The following CNTNAP2 variants were observed in gnomAD, a reference collection of about 807,000 sequenced individuals.
CNTNAP2 encodes the protein contactin-associated protein-like 2.
CNTNAP2 carries 98 observed loss-of-function variants against 155.2 expected under a neutral mutation model. The ratio of observed to expected loss-of-function variants is 0.63; its 90% CI spans 0.54 to 0.75. The LOEUF (loss-of-function observed/expected upper bound fraction) is 0.75, where lower values mean the gene tolerates loss of function less well. CNTNAP2 is among the 30% of genes least tolerant of loss of function. The pLI is 0.00. For synonymous variants in CNTNAP2, 651 were observed against 631.2 expected (o/e 1.03, Z -0.47); for missense variants, 1,727 against 1,688.1 (o/e 1.02, Z -0.40).
At chr7:146,509,542 C>T (rs1490476336) in intron 1 of CNTNAP2, among the ~76,000 whole-genome samples, 1 of 152,162 alleles carries the variant, frequency 6.6e-6, no homozygotes, top group Non-Finnish European at 1.5e-5. Flanking sequence ...GAGCCCACCC[C>T]TGGGGCCTCA....
chr7:146,930,577 G>A (rs567444925), intron 3 of CNTNAP2, among the ~76,000 whole-genome samples: 2,776 of 152,012 alleles, frequency 0.018, 75 homozygotes, highest in African/African-American at 0.062. Flanking sequence ...TGAAATTCAC[G>A]CATAACAATA....
intron 12 of CNTNAP2, among the ~76,000 whole-genome samples, chr7:147,569,557 G>A (rs1310242515): frequency 6.6e-6 from 1 of 152,170 alleles, no homozygotes. Context: ...ATTGTCCACA[G>A]TATTCAGTAC....
chr7:148,051,416 G>GTT (rs112520560), intron 15 of CNTNAP2, among the ~76,000 whole-genome samples: 2 of 145,452 alleles, frequency 1.4e-5, no homozygotes, highest in South Asian at 2.2e-4. Context: ...TTTCTTTTCT[G>GTT]TTTTTTTTTT....
At chr7:148,174,984 A>G (rs1323104866) in intron 18 of CNTNAP2, among the ~76,000 whole-genome samples, 2 of 152,038 alleles carry the variant, frequency 1.3e-5, no homozygotes. Context: ...TTCAGCTACC[A>G]ATTATGAGTG....
In CNTNAP2 at chr7:148,251,266, G is replaced by A. The variant is rs922073167; in HGVS notation, c.3382-15767G>A. ...TTTGCTAGAATGATTTGCAGAACTC[G>A]GGAAAGCACTATACTTATGATCAAG... On this transcript the variant is annotated intron_variant, in intron 20 of 23. Coordinates refer to ENST00000361727, the MANE Select transcript of CNTNAP2 (RefSeq NM_014141.6). Among the ~76,000 whole-genome samples the A allele has an allele frequency of 7.2e-5, 11 of 152,166 alleles. No individual in the cohort carries two copies. The East Asian group carries it at 1.9e-3, about 27-fold the overall frequency.
chr7:147,489,650 C>T (rs1431987333), intron 11 of CNTNAP2, among the ~76,000 whole-genome samples: 1 of 152,172 alleles, frequency 6.6e-6, no homozygotes, highest in Non-Finnish European at 1.5e-5. Context: ...GAGTCTTGCT[C>T]TGTCACCCAG....
At chr7:146,461,993 T>C (rs1378883928) in intron 1 of CNTNAP2, among the ~76,000 whole-genome samples, 1 of 152,222 alleles carries the variant, frequency 6.6e-6, no homozygotes, top group Non-Finnish European at 1.5e-5. Context: ...TTGAATACAG[T>C]GCAAATATTA....
chr7:147,660,957 C>A (rs1385883149), intron 13 of CNTNAP2, among the ~76,000 whole-genome samples: 2 of 152,082 alleles, frequency 1.3e-5, no homozygotes, highest in African/African-American at 4.8e-5. Flanking sequence ...TCTCATGCCC[C>A]CCTATTGCAC....
At chr7:146,515,842 G>A (rs1797533152) in intron 1 of CNTNAP2, among the ~76,000 whole-genome samples, 1 of 151,950 alleles carries the variant, frequency 6.6e-6, no homozygotes, top group African/African-American at 2.4e-5. Context: ...AAGAAATCCA[G>A]AGTGAAATCC....
intron 1 of CNTNAP2, among the ~76,000 whole-genome samples, chr7:146,582,371 TAG>T (rs981393709): frequency 6.6e-6 from 1 of 152,108 alleles, no homozygotes; most frequent in African/African-American, 2.4e-5. Context: ...TGAGTTAAAA[TAG>T]AGGTTATATC....
At chr7:147,351,557 G>A (rs1258436308) in intron 9 of CNTNAP2, among the ~76,000 whole-genome samples, 2 of 151,672 alleles carry the variant, frequency 1.3e-5, no homozygotes, top group Non-Finnish European at 3.0e-5. Context: ...AGTAGTATTT[G>A]TATTTCTGTA....
At chr7:147,652,768 A>G (rs1795466915) in intron 13 of CNTNAP2, among the ~76,000 whole-genome samples, 1 of 152,142 alleles carries the variant, frequency 6.6e-6, no homozygotes, top group Non-Finnish European at 1.5e-5. Context: ...AGGGAAAGGA[A>G]GGAAGAAAGA....
intron 10 of CNTNAP2, among the ~76,000 whole-genome samples, chr7:147,431,049 TC>T (rs1180082092): frequency 1.9e-4 from 21 of 112,324 alleles, no homozygotes; most frequent in Non-Finnish European, 3.5e-4. Flanking sequence ...AGACTCCATC[TC>T]AAAAAAAAAA....
At chr7:148,344,768 T>C (rs1306010190) in intron 21 of CNTNAP2, among the ~76,000 whole-genome samples, 1 of 152,234 alleles carries the variant, frequency 6.6e-6, no homozygotes, top group Non-Finnish European at 1.5e-5. Context: ...ACTTTGATAA[T>C]TGAAGAATTA....
At chr7:146,240,123 G>C (rs370049704) in intron 1 of CNTNAP2, among the ~76,000 whole-genome samples, 17 of 152,236 alleles carry the variant, frequency 1.1e-4, no homozygotes, top group Admixed American at 8.5e-4. Context: ...AATAGAAACT[G>C]TATTAACTAT....
intron 17 of CNTNAP2, among the ~76,000 whole-genome samples, chr7:148,155,044 G>A (rs565032207): frequency 6.6e-6 from 1 of 152,244 alleles, no homozygotes; most frequent in South Asian, 2.1e-4. Context: ...CGTGAATGCT[G>A]ACTGAGACAC....
chr7:147,406,314 GTA>G (rs1481475769), intron 10 of CNTNAP2, among the ~76,000 whole-genome samples: 1 of 151,876 alleles, frequency 6.6e-6, no homozygotes, highest in African/African-American at 2.4e-5. Context: ...ATTTACAATG[GTA>G]TTTATTATAG....
intron 18 of CNTNAP2, among the ~76,000 whole-genome samples, chr7:148,211,337 C>A (rs1411075309): frequency 6.6e-6 from 1 of 152,124 alleles, no homozygotes. Flanking sequence ...AAGGAGTAAG[C>A]AAATATTAAA....
chr7:147,498,610 T>G (rs1798753763), intron 11 of CNTNAP2, among the ~76,000 whole-genome samples: 1 of 152,218 alleles, frequency 6.6e-6, no homozygotes, highest in African/African-American at 2.4e-5. Flanking sequence ...CTATTAGTAA[T>G]CAAGAAAAAT....
Sources: gnomAD v4.1 joint callset for allele counts (sites outside exome capture counted in the v4.1 genomes callset) on GRCh38, gnomAD v4.1.1 for gene constraint, MANE v1.5 for transcripts, NCBI Gene and HGNC (gene_info 2026-07-23, HGNC 2026-07-21) for gene names.